The following CSMD1 variants were observed in gnomAD, a reference collection of about 807,000 sequenced individuals.
CSMD1 encodes the protein CUB and sushi domain-containing protein 1.
A neutral mutation model predicts 417.5 loss-of-function variants in CSMD1; 213 were observed. The observed-to-expected ratio is 0.51, with a 90% CI of 0.46 to 0.57. The LOEUF (loss-of-function observed/expected upper bound fraction) is 0.57. Among genes scored for constraint, CSMD1 ranks in the 20% least tolerant of loss-of-function variants. The probability of loss-of-function intolerance (pLI) is 0.00; values close to 1 mark genes in which losing one functional copy is unlikely to be tolerated. For missense variants in CSMD1, 6,923 were observed against 4,529.7 expected (o/e 1.53, Z -15.17); for synonymous variants, 2,862 against 1,736.8 (o/e 1.65, Z -16.11).
intron 7 of CSMD1, among the ~76,000 whole-genome samples, chr8:3,652,113 C>A (rs564565512): frequency 1.2e-5 from 1 of 81,020 alleles, no homozygotes; most frequent in Admixed American, 1.1e-4. Flanking sequence ...ACCATCAGCA[C>A]GCTTACCATC....
At chr8:3,646,727 G>A (rs536178988) in intron 7 of CSMD1, among the ~76,000 whole-genome samples, 4 of 152,166 alleles carry the variant, frequency 2.6e-5, no homozygotes, top group South Asian at 2.1e-4. Context: ...ACCTGGCTCC[G>A]GTGCCTCCTC....
chr8:4,249,651 G>T (rs950731642), intron 3 of CSMD1, among the ~76,000 whole-genome samples: 1 of 152,126 alleles, frequency 6.6e-6, no homozygotes, highest in Non-Finnish European at 1.5e-5. Context: ...GTGGCTCTAG[G>T]CTTGAGAGCT....
intron 3 of CSMD1, among the ~76,000 whole-genome samples, chr8:4,288,137 A>C (rs1476459278): frequency 6.6e-6 from 1 of 152,110 alleles, no homozygotes; most frequent in Non-Finnish European, 1.5e-5. Flanking sequence ...TGCAGCATTA[A>C]AGTTTGACTG....
intron 1 of CSMD1, among the ~76,000 whole-genome samples, chr8:4,947,350 A>T (rs972333728): frequency 1.3e-5 from 2 of 152,176 alleles, no homozygotes; most frequent in Non-Finnish European, 2.9e-5. Flanking sequence ...ATGCATAACT[A>T]ACCAAATTCT....
At chr8:4,264,542 CCT>C (rs934319012) in intron 3 of CSMD1, among the ~76,000 whole-genome samples, 1 of 152,070 alleles carries the variant, frequency 6.6e-6, no homozygotes, top group Non-Finnish European at 1.5e-5. Context: ...TACTTAAAGC[CCT>C]GTTTTTAAGG....
intron 10 of CSMD1, among the ~76,000 whole-genome samples, chr8:3,503,115 A>G (rs186995855): frequency 2.6e-5 from 4 of 152,328 alleles, no homozygotes; most frequent in Admixed American, 1.3e-4. Context: ...TGCAACACAT[A>G]CCAATAGCCC....
At chr8:4,986,614 C>T (rs1811192026) in intron 1 of CSMD1, among the ~76,000 whole-genome samples, 1 of 151,880 alleles carries the variant, frequency 6.6e-6, no homozygotes, top group African/African-American at 2.4e-5. Flanking sequence ...AAATAATTCA[C>T]TCGAACAGTA....
intron 3 of CSMD1, among the ~76,000 whole-genome samples, chr8:4,322,595 G>C (rs1799332729): frequency 6.6e-6 from 1 of 152,168 alleles, no homozygotes; most frequent in African/African-American, 2.4e-5. Flanking sequence ...CAACATAAAA[G>C]ACATGTTGTA....
intron 2 of CSMD1, among the ~76,000 whole-genome samples, chr8:4,599,362 G>A (rs907700200): frequency 2.0e-5 from 3 of 150,598 alleles, no homozygotes; most frequent in African/African-American, 7.3e-5. Flanking sequence ...CACCCTGGAA[G>A]AATTTTTTTT....
intron 21 of CSMD1, among the ~76,000 whole-genome samples, chr8:3,357,249 C>T (rs888630574): frequency 1.3e-5 from 2 of 152,208 alleles, no homozygotes; most frequent in African/African-American, 4.8e-5. Flanking sequence ...CAAGGCCCTC[C>T]TGTCCAGTGC....
intron 6 of CSMD1, among the ~76,000 whole-genome samples, chr8:3,723,706 G>A (rs1361835948): frequency 2.0e-5 from 3 of 152,114 alleles, no homozygotes; most frequent in African/African-American, 7.2e-5. Context: ...ATTAACACGT[G>A]TGCTTTTTTA....
At chr8:4,495,794 C>G (rs1801950961) in intron 2 of CSMD1, among the ~76,000 whole-genome samples, 1 of 152,022 alleles carries the variant, frequency 6.6e-6, no homozygotes, top group South Asian at 2.1e-4. Context: ...TCTTAATAGC[C>G]CATTCTAGCT....
At chr8:4,087,014 T>C (rs1401452880) in intron 3 of CSMD1, among the ~76,000 whole-genome samples, 8 of 152,226 alleles carry the variant, frequency 5.3e-5, no homozygotes, top group Admixed American at 3.9e-4. Context: ...TAACGCTATG[T>C]ACATCATGGA....
At chr8:3,562,760 G>T (rs2116870691) in intron 10 of CSMD1, among the ~76,000 whole-genome samples, 1 of 152,098 alleles carries the variant, frequency 6.6e-6, no homozygotes, top group Non-Finnish European at 1.5e-5. Context: ...ATAATACGGA[G>T]CCTATTGGAG....
intron 23 of CSMD1, among the ~76,000 whole-genome samples, chr8:3,332,792 C>G (rs1198195859): frequency 1.3e-5 from 2 of 152,198 alleles, no homozygotes; most frequent in African/African-American, 4.8e-5. Context: ...CCCTGATGCC[C>G]TCACCTCCTG....
intron 26 of CSMD1, among the ~76,000 whole-genome samples, chr8:3,275,736 C>T (rs1802234550): frequency 6.6e-6 from 1 of 152,200 alleles, no homozygotes; most frequent in Non-Finnish European, 1.5e-5. Context: ...CCTGAGGCTT[C>T]TGCATTCTTC....
chr8:3,112,665 C>G (rs1408880787), intron 42 of CSMD1, among the ~76,000 whole-genome samples: 5 of 152,100 alleles, frequency 3.3e-5, no homozygotes, highest in Non-Finnish European at 5.9e-5. Flanking sequence ...CATAGTGAAC[C>G]GTAGAGACCC....
chr8:4,834,476 G>A (rs1800339783), intron 1 of CSMD1, among the ~76,000 whole-genome samples: 1 of 152,168 alleles, frequency 6.6e-6, no homozygotes, highest in Non-Finnish European at 1.5e-5. Flanking sequence ...CAACTTTTAG[G>A]CAGGCAGTGA....
chr8:3,808,860 G>A (rs1202771533), intron 5 of CSMD1, among the ~76,000 whole-genome samples: 1 of 152,138 alleles, frequency 6.6e-6, no homozygotes, highest in Admixed American at 6.6e-5. Flanking sequence ...CAGCCCTTAG[G>A]TCTCAATGAG....
Sources: gnomAD v4.1 joint callset for allele counts (sites outside exome capture counted in the v4.1 genomes callset) on GRCh38, gnomAD v4.1.1 for gene constraint, MANE v1.5 for transcripts, NCBI Gene and HGNC (gene_info 2026-07-23, HGNC 2026-07-21) for gene names.